Variants in SCARF1 observed in about 807,000 individuals in gnomAD.
SCARF1 encodes the protein acetyl LDL receptor.
In SCARF1, 49 loss-of-function variants were observed where a neutral mutation model predicts 76.3. That is an observed-to-expected ratio of 0.64 (90% confidence interval 0.51 to 0.81). The LOEUF is 0.81. Among genes scored for constraint, SCARF1 ranks in the 40% least tolerant of loss-of-function variants. The probability of loss-of-function intolerance (pLI) is 0.00; values close to 1 mark genes in which losing one functional copy is unlikely to be tolerated. For synonymous variants in SCARF1, 495 were observed against 474.6 expected (o/e 1.04, Z -0.56); for missense variants, 1,098 against 1,143.9 (o/e 0.96, Z 0.58).
rs1361272641 is a variant in SCARF1 at position 1,636,969 on chromosome 17, G to A, written c.1458C>T (p.Leu486=). The A allele has an allele frequency of 5.0e-6, 8 of 1,613,950 alleles. No homozygotes were observed. The highest frequency in any genetic ancestry group is 5.9e-6 in the Non-Finnish European group (7 of 1,179,996). ...TCACCCAGGGTAGCTTGTGGGAGCT[G>A]AGGGAACGGCAGGGCAGCGTGGAGC... ...SLGSTLPCRS[L]SSHKLPWVTV... Residue 486 remains leucine, a synonymous_variant, in exon 9 of 11, where the codon CTC becomes CTT. Transcript: ENST00000263071.
Position 1,634,793 on chromosome 17 carries a change from T to C in SCARF1, c.2458A>G (p.Asn820Asp). 1 of 1,608,172 alleles carries C rather than the reference T, an allele frequency of 6.2e-7. No homozygotes were observed. Among genetic ancestry groups the C allele is most frequent in the Non-Finnish European group, 8.5e-7 (1 of 1,176,760 alleles). ...EERQEEPEYE[N>D]VVPISRPPEP ...GGTGGCCTGGAGATGGGTACAACAT[T>C]CTCATACTCAGGTTCCTCCTGCCTT... Residue 820 changes from asparagine (N) to aspartate (D), a missense_variant, in exon 11 of 11, where the codon AAT (asparagine) becomes GAT (aspartate). By Grantham distance (23) the Asn-to-Asp change is conservative. Coordinates refer to ENST00000263071, the MANE Select transcript of SCARF1 (RefSeq NM_003693.4).
chr17:1,638,981 GTCT>G (rs1909820000), intron 7 of SCARF1, 55 bp from the exon 8 acceptor site: 1 of 1,488,674 alleles, frequency 6.7e-7, no homozygotes, highest in Non-Finnish European at 9.0e-7. Flanking sequence ...TACACATCCT[GTCT>G]TTGCTCTGAG....
intron 4 of SCARF1, among the ~76,000 whole-genome samples, chr17:1,643,071 T>G (rs1166196252): frequency 6.6e-6 from 1 of 151,474 alleles, no homozygotes; most frequent in Non-Finnish European, 1.5e-5. Flanking sequence ...CCCTGACCCC[T>G]CCTCCCGGCG....
intron 7 of SCARF1, 148 bp from the exon 8 acceptor site, chr17:1,639,074 A>T (rs940576683): frequency 1.5e-5 from 12 of 800,012 alleles, no homozygotes; most frequent in Non-Finnish European, 2.1e-5. Context: ...TCCCCTCCAC[A>T]GGTTCTTGCC....
Position 1,635,646 on chromosome 17 carries a change from G to A in SCARF1, c.1634-29C>T, listed in dbSNP as rs201337644. The A allele has an allele frequency of 4.4e-6, 7 of 1,583,480 alleles. No individual in the cohort carries two copies. In the African/African-American group the frequency reaches 5.4e-5, roughly 12 times the overall value. ...GCAGAGGAGACAGAAGAGCTTGGCTGGAGCTGAACTGGCCACCCCAATGCA... is the reference window on the plus strand; with the variant it reads ...GCAGAGGAGACAGAAGAGCTTGGCTAGAGCTGAACTGGCCACCCCAATGCA... On this transcript the variant is annotated intron_variant, in intron 10 of 10. Coordinates refer to ENST00000263071, the MANE Select transcript of SCARF1 (RefSeq NM_003693.4).
At chr17:1,636,128 G>A (rs1040564869) in intron 10 of SCARF1, among the ~76,000 whole-genome samples, 2 of 152,140 alleles carry the variant, frequency 1.3e-5, no homozygotes, top group Admixed American at 6.5e-5. Context: ...CGACTGGGAT[G>A]CCACACACAT....
Position 1,639,500 on chromosome 17 carries a change from G to C in SCARF1, c.1243+139C>G. 3 of 632,882 alleles carry C rather than the reference G, an allele frequency of 4.7e-6. No homozygotes were observed. The South Asian group carries it at 5.9e-5, about 12-fold the overall frequency. 39.2% of individuals were successfully genotyped at this position (632,882 alleles called of 1,614,324 possible). On this transcript the variant is annotated intron_variant, in intron 7 of 10. Coordinates refer to ENST00000263071, the MANE Select transcript of SCARF1 (RefSeq NM_003693.4). ...GGCCTGGGTGACAGAGCAAGACCTC[G>C]TCTTAAGGGAAAAAAAAAAAAAAAA...
rs1238042018 is a variant in SCARF1 at position 1,634,619 on chromosome 17, GC to G, written c.*138del. 4 of 1,257,686 alleles carry G rather than the reference GC, an allele frequency of 3.2e-6. No homozygotes were observed. Among genetic ancestry groups the G allele is most frequent in the Non-Finnish European group, 4.3e-6 (4 of 924,574 alleles). The allele number at this position is 1,257,686 out of a possible 1,614,324, so 77.9% of individuals were successfully genotyped here. On this transcript the variant is annotated 3_prime_UTR_variant, in exon 11 of 11. Transcript: ENST00000263071. ...TCCGGGAGCACTGCCAGGGGCCTGGGCCAACTGGCCTGGAAGCCTTGCCTTT... is the reference window on the plus strand; with the variant it reads ...TCCGGGAGCACTGCCAGGGGCCTGGGCAACTGGCCTGGAAGCCTTGCCTTT...
rs555380972 is a variant in SCARF1, at chr17:1,643,603, G to A, written c.630C>T (p.Cys210=). 259 of 1,473,866 alleles carry A rather than the reference G, an allele frequency of 1.8e-4. No individual in the cohort carries two copies. The African/African-American group carries it at 3.3e-3, about 19-fold the overall frequency. The allele number at this position is 1,473,866 out of a possible 1,614,324, so 91.3% of individuals were successfully genotyped here. A position where few individuals can be genotyped will look rare whatever the true frequency, so the allele number is the denominator to read the frequency against. ...ATTCGGGACCCCACCAGCCCGGCCG[G>A]CAGGCGCAGCGGCCGGAGTCCTGCT... is the stretch of plus-strand genomic sequence containing the variant. ...PCEQDSGRCA[C]RPGWWGPECQ... Residue 210 remains cysteine (C), a synonymous_variant, in exon 4 of 11, where the codon TGC becomes TGT. Transcript: ENST00000263071.
In SCARF1 at chr17:1,635,316, C is replaced by T. The variant is rs1443567511; in HGVS notation, c.1935G>A (p.Glu645=). Residue 645 remains glutamate, a synonymous_variant, in exon 11 of 11, where the codon GAG becomes GAA. Transcript: ENST00000263071. ...CGGGACTGGCAGCCGCCGGAAAGGACTCGGGGGCTTCTGCTTCCTCTGGGC... is the reference window on the plus strand; with the variant it reads ...CGGGACTGGCAGCCGCCGGAAAGGATTCGGGGGCTTCTGCTTCCTCTGGGC... The part of the protein sequence containing the change: ...STGPEEAEAP[E]SFPAAASPGD... The T allele has an allele frequency of 2.5e-6, 4 of 1,612,534 alleles. No individual in the cohort carries two copies. Among genetic ancestry groups the T allele is most frequent in the Non-Finnish European group, 3.4e-6 (4 of 1,179,412 alleles).
At chr17:1,637,334 A>G (rs756213097) in intron 8 of SCARF1, among the ~76,000 whole-genome samples, 4 of 72,280 alleles carry the variant, frequency 5.5e-5, no homozygotes, top group African/African-American at 1.3e-4. Flanking sequence ...GATCCTATCT[A>G]TCTATCTATC....
chr17:1,640,206 G>T lies in SCARF1; in HGVS notation c.1011-166C>A. On this transcript the variant is annotated intron_variant, in intron 5 of 10. Coordinates refer to ENST00000263071, the MANE Select transcript of SCARF1 (RefSeq NM_003693.4). The surrounding 1 kb of genome is among the most constrained non-coding windows in gnomAD (Gnocchi z 4.7). The stretch of plus-strand genomic sequence containing the variant: ...GGCCTTGAACTTGGGGCCAAATCCA[G>T]CAGGTGACAGACTACAAGTCCCCAG... 1 of 846,214 alleles carries T rather than the reference G, an allele frequency of 1.2e-6. No homozygotes were observed. 52.4% of individuals were successfully genotyped at this position (846,214 alleles called of 1,614,324 possible).
Position 1,645,386 on chromosome 17 carries a change from C to T in SCARF1, c.102-147G>A, listed in dbSNP as rs769860136. 34 of 1,009,814 alleles carry T rather than the reference C, an allele frequency of 3.4e-5. No homozygotes were observed. Among genetic ancestry groups the T allele is most frequent in the Non-Finnish European group, 4.7e-5 (32 of 678,372 alleles). The allele number at this position is 1,009,814 out of a possible 1,614,324, so 62.6% of individuals were successfully genotyped here. ...GGATCTTTACAGCTAGGGTCCCCAG[C>T]CCCTCCCCTCTCCTTCCCTGACCCT... On this transcript the variant is annotated intron_variant, in intron 1 of 10. Coordinates refer to ENST00000263071, the MANE Select transcript of SCARF1 (RefSeq NM_003693.4). This position sits in a 1 kb window ranked among gnomAD's most constrained non-coding sequence, Gnocchi z 6.3.
intron 4 of SCARF1, among the ~76,000 whole-genome samples, chr17:1,641,118 CA>C (rs554147311): frequency 6.5e-4 from 99 of 152,212 alleles, no homozygotes; most frequent in Non-Finnish European, 1.3e-3. Flanking sequence ...TGTTTTCACC[CA>C]GGGGTCCTCA....
Position 1,635,475 on chromosome 17 carries a change from G to C in SCARF1, c.1776C>G (p.Phe592Leu). The C allele has an allele frequency of 1.2e-6, 2 of 1,614,066 alleles. No individual in the cohort carries two copies. Among genetic ancestry groups the C allele is most frequent in the Admixed American group, 3.3e-5 (2 of 60,028 alleles). ...LARAKRPSVS[F>L]AEGTKFAPQS... ...GTGGTGCAAACTTGGTACCTTCCGC[G>C]AAGGAGACCGATGGCCGCTTGGCCC... The change falls in exon 11 of 11, where the codon TTC (phenylalanine) becomes TTG (leucine). Residue 592 changes from phenylalanine (F) to leucine (L), a missense_variant. Coordinates refer to ENST00000263071, the MANE Select transcript of SCARF1 (RefSeq NM_003693.4).
chr17:1,637,107 G>A (rs756205196), intron 8 of SCARF1, 45 bp from the exon 9 acceptor site: 26 of 1,597,538 alleles, frequency 1.6e-5, no homozygotes, highest in East Asian at 2.3e-5. Context: ...TGAGACCCAC[G>A]GTGACCTGGG....
chr17:1,639,527 A>T, intron 7 of SCARF1, 112 bp downstream of exon 7: 5 of 669,564 alleles, frequency 7.5e-6, no homozygotes, highest in Non-Finnish European at 1.3e-5. Context: ...AAAAAAAAAA[A>T]GAATATCTCT....
At chr17:1,638,725 C>T (rs1329403698) in intron 8 of SCARF1, 81 bp downstream of exon 8, 4 of 1,440,616 alleles carry the variant, frequency 2.8e-6, no homozygotes, top group Non-Finnish European at 3.7e-6. Flanking sequence ...CAGCCCTCCC[C>T]ACCCCACAAG....
In SCARF1 at chr17:1,643,496, G is replaced by C; in HGVS notation, c.737C>G (p.Ala246Gly). The change falls in exon 4 of 11, where the codon GCG becomes GGG. Residue 246 changes from alanine (A) to glycine (G), a missense_variant. By Grantham distance (60) the Ala-to-Gly change is moderately conservative. Transcript: ENST00000263071. ...ECTCPPGFRG[A>G]RCELPCPAGS... ...TGCCGGGCAGGGCAGCTCGCAGCGC[G>C]CTCCGCGGAAGCCGGGCGGGCAGGT... The C allele has an allele frequency of 7.5e-7, 1 of 1,338,874 alleles. No individual in the cohort carries two copies. Among genetic ancestry groups the C allele is most frequent in the Non-Finnish European group, 9.5e-7 (1 of 1,052,286 alleles). 82.9% of individuals were successfully genotyped at this position (1,338,874 alleles called of 1,614,324 possible).
Sources: gnomAD v4.1 joint callset for allele counts (sites outside exome capture counted in the v4.1 genomes callset) on GRCh38, gnomAD v4.1.1 for gene constraint, Gnocchi (gnomAD v3.1) non-coding constraint, MANE v1.5 for transcripts, NCBI Gene and HGNC (gene_info 2026-07-23, HGNC 2026-07-21) for gene names.